Variants in SRL observed in about 807,000 individuals in gnomAD.
SRL encodes the protein sarcalumenin.
Under a neutral mutation model 39.5 loss-of-function variants are expected in SRL, and 23 were observed. The ratio of observed to expected loss-of-function variants is 0.58; its 90% CI spans 0.42 to 0.82. The LOEUF is 0.82. Among genes scored for constraint, SRL ranks in the 40% least tolerant of loss-of-function variants. The pLI is 0.00. For missense variants in SRL, 592 were observed against 607.8 expected (o/e 0.97, Z 0.27); for synonymous variants, 272 against 237.4 (o/e 1.15, Z -1.34).
chr16:4,197,871 A>C lies in SRL; in HGVS notation c.304T>G (p.Trp102Gly). ...ATCATGGTAGATTTACCAACACTCC[A>C]CGGTCCCAGGAACAGTACCATGGGC... ...SKPMVLFLGP[W>G]SVGKSTMINY... The change falls in exon 4 of 6, where the codon TGG becomes GGG. Residue 102 changes from tryptophan to glycine, a missense_variant. Trp to Gly is a radical substitution (Grantham distance 184, BLOSUM62 -2). Coordinates refer to ENST00000399609, the MANE Select transcript of SRL (RefSeq NM_001098814.2). 6.2e-7 allele frequency: 1 copy of C among 1,614,178 alleles called. No homozygotes were observed. Among genetic ancestry groups the C allele is most frequent in the Non-Finnish European group, 8.5e-7 (1 of 1,179,990 alleles).
At chr16:4,233,491 T>C (rs1222116133) in intron 1 of SRL, among the ~76,000 whole-genome samples, 1 of 152,208 alleles carries the variant, frequency 6.6e-6, no homozygotes, top group African/African-American at 2.4e-5. Flanking sequence ...GCTGAAACCC[T>C]GTCCCTCTGC....
chr16:4,237,849 A>C (rs775287641), intron 1 of SRL, among the ~76,000 whole-genome samples: 20 of 151,914 alleles, frequency 1.3e-4, no homozygotes, highest in Non-Finnish European at 2.2e-4. Context: ...TTCTGATCCG[A>C]TCCACTCAGC....
intron 2 of SRL, among the ~76,000 whole-genome samples, chr16:4,203,770 T>C (rs1363488253): frequency 6.6e-6 from 1 of 152,210 alleles, no homozygotes; most frequent in Admixed American, 6.5e-5. Context: ...GCTGCCTCAC[T>C]GCAAGCCCTT....
chr16:4,212,370 T>G (rs952411285), intron 1 of SRL, among the ~76,000 whole-genome samples: 3 of 152,164 alleles, frequency 2.0e-5, no homozygotes, highest in Admixed American at 2.0e-4. Flanking sequence ...CTGGACCCAG[T>G]TCTCCTCTTG....
chr16:4,209,875 G>C (rs1483133185), intron 1 of SRL, among the ~76,000 whole-genome samples: 1 of 152,142 alleles, frequency 6.6e-6, no homozygotes, highest in Non-Finnish European at 1.5e-5. Flanking sequence ...TAGTTAATGG[G>C]TGACCGGAAC....
At chr16:4,230,609 G>A (rs893410040) in intron 1 of SRL, among the ~76,000 whole-genome samples, 2 of 150,952 alleles carry the variant, frequency 1.3e-5, no homozygotes, top group East Asian at 3.9e-4. Flanking sequence ...GGCTGGTCTT[G>A]AACTCCCGAC....
At position 4,191,886 on chromosome 16, in the gene SRL, A is replaced by C; in HGVS notation, c.*267T>G. ...TAGCTGCTCTCTGTCCTTCCAAGAC[A>C]GGACCCAGGAAAAGCAGGTGGAGGC... On this transcript the variant is annotated 3_prime_UTR_variant, in exon 6 of 6. Coordinates refer to ENST00000399609, the MANE Select transcript of SRL (RefSeq NM_001098814.2). 1 of 430,194 alleles carries C rather than the reference A, an allele frequency of 2.3e-6. No individual in the cohort carries two copies. The highest frequency in any genetic ancestry group is 4.1e-6 in the Non-Finnish European group (1 of 244,058). 26.6% of individuals were successfully genotyped at this position (430,194 alleles called of 1,614,324 possible). A position where few individuals can be genotyped will look rare whatever the true frequency, so the allele number is the denominator to read the frequency against.
In SRL at chr16:4,192,175, T is replaced by C. The variant is rs758749146; in HGVS notation, c.1400A>G (p.Lys467Arg). The C allele has an allele frequency of 1.3e-6, 2 of 1,556,098 alleles. No individual in the cohort carries two copies. Among genetic ancestry groups the C allele is most frequent in the Non-Finnish European group, 1.7e-6 (2 of 1,155,062 alleles). ...CDKTGCSETP[K>R]NRYRKH ...CACCTAGTGCTTCCTGTAGCGATTT[T>C]TTGGTGTTTCGCTACACCCTGTTTT... Residue 467 changes from lysine (K) to arginine (R), a missense_variant, in exon 6 of 6, where the codon AAA becomes AGA. Physicochemically the swap from Lys to Arg is conservative, Grantham distance 26. Transcript: ENST00000399609. This position sits in a 1 kb window ranked among gnomAD's most constrained non-coding sequence, Gnocchi z 4.0.
In SRL at chr16:4,221,737, G is replaced by A. The variant is rs1597288115; in HGVS notation, c.62-17103C>T. On this transcript the variant is annotated intron_variant, in intron 1 of 5. Transcript: ENST00000399609. ...AAATGTGTTCACTCACAGTCCTAGA[G>A]GCCAGACGTCTCAAATCAAGGTGCC... Among the ~76,000 whole-genome samples, 11 of 152,278 alleles carry A rather than the reference G, an allele frequency of 7.2e-5. 3 individuals carry two copies. The highest frequency in any genetic ancestry group is 7.2e-4 in the Admixed American group (11 of 15,296).
chr16:4,226,695 G>A (rs902621721), intron 1 of SRL, among the ~76,000 whole-genome samples: 2 of 150,760 alleles, frequency 1.3e-5, no homozygotes, highest in African/African-American at 2.4e-5. Flanking sequence ...TGTGGATGAA[G>A]GAATGGAAGG....
At chr16:4,230,104 C>T (rs1302247474) in intron 1 of SRL, among the ~76,000 whole-genome samples, 2 of 152,068 alleles carry the variant, frequency 1.3e-5, no homozygotes, top group African/African-American at 4.8e-5. Flanking sequence ...TCTCCCCACC[C>T]GGGCAGCCAC....
At chr16:4,217,129 G>C (rs1597284680) in intron 1 of SRL, among the ~76,000 whole-genome samples, 1 of 152,168 alleles carries the variant, frequency 6.6e-6, no homozygotes, top group East Asian at 1.9e-4. Flanking sequence ...ACCTTCCCTA[G>C]CCTGAGCCAG....
intron 1 of SRL, among the ~76,000 whole-genome samples, chr16:4,240,587 C>G (rs1051695049): frequency 6.6e-6 from 1 of 152,140 alleles, no homozygotes; most frequent in Non-Finnish European, 1.5e-5. Context: ...TTTGCACAAG[C>G]ACCTGCCTGC....
Position 4,192,542 on chromosome 16 carries a change from G to A in SRL, c.1033C>T (p.Leu345Phe), listed in dbSNP as rs1479216416. Residue 345 changes from leucine to phenylalanine, a missense_variant, in exon 6 of 6, where the codon CTC (leucine) becomes TTC (phenylalanine). Coordinates refer to ENST00000399609, the MANE Select transcript of SRL (RefSeq NM_001098814.2). The surrounding 1 kb of genome is among the most constrained non-coding windows in gnomAD (Gnocchi z 4.0). ...QHAIRVRIHA[L>F]LVDRYLQTYK... The stretch of plus-strand genomic sequence containing the variant: ...GTCTGCAGGTAGCGGTCAACCAGGA[G>A]GGCGTGGATGCGGACCCGGATGGCG... 1 of 1,614,202 alleles carries A rather than the reference G, an allele frequency of 6.2e-7. No individual in the cohort carries two copies. The highest frequency in any genetic ancestry group is 8.5e-7 in the Non-Finnish European group (1 of 1,180,032).
At chr16:4,199,020 C>T (rs1433732347) in intron 3 of SRL, among the ~76,000 whole-genome samples, 1 of 152,152 alleles carries the variant, frequency 6.6e-6, no homozygotes, top group Non-Finnish European at 1.5e-5. Context: ...TTTCAGGCCT[C>T]AGCTCTTCCA....
At chr16:4,207,230 T>C (rs770871760) in intron 1 of SRL, 10 of 456,978 alleles carry the variant, frequency 2.2e-5, no homozygotes, top group Admixed American at 9.4e-5. Flanking sequence ...CATCACCACT[T>C]TCCTCTTCAG....
chr16:4,205,662 G>T (rs1250798597), intron 1 of SRL, among the ~76,000 whole-genome samples: 2 of 152,160 alleles, frequency 1.3e-5, no homozygotes, highest in Admixed American at 1.3e-4. Context: ...GGGGTGTCTG[G>T]CTGCAGCTGG....
At chr16:4,231,658 T>C (rs1458680355) in intron 1 of SRL, among the ~76,000 whole-genome samples, 1 of 152,094 alleles carries the variant, frequency 6.6e-6, no homozygotes, top group Non-Finnish European at 1.5e-5. Flanking sequence ...AGGGGCTGTC[T>C]CCCCTCCTAG....
intron 1 of SRL, among the ~76,000 whole-genome samples, chr16:4,236,945 C>T (rs561878282): frequency 1.0e-3 from 144 of 143,358 alleles, no homozygotes; most frequent in South Asian, 3.1e-3. Context: ...CAGCCGTGAA[C>T]TTTTTTTTTT....
Sources: allele counts gnomAD v4.1 joint callset (sites outside exome capture counted in the v4.1 genomes callset), GRCh38; gene constraint gnomAD v4.1.1; non-coding constraint Gnocchi (gnomAD v3.1); transcripts MANE v1.5; gene names NCBI Gene and HGNC (gene_info 2026-07-23, HGNC 2026-07-21).